Variants in FOXJ3 observed in about 807,000 individuals in gnomAD.
FOXJ3 encodes the protein forkhead box protein J3.
A neutral mutation model predicts 76.1 loss-of-function variants in FOXJ3; 22 were observed. The observed-to-expected ratio is 0.29, with a 90% CI of 0.21 to 0.41. The LOEUF is 0.41. Among genes scored for constraint, FOXJ3 ranks in the 10% least tolerant of loss-of-function variants. The pLI, the probability that FOXJ3 is intolerant of heterozygous loss-of-function variation, is 1.00. For missense variants in FOXJ3, 613 were observed against 762.1 expected (o/e 0.80, Z 2.30); for synonymous variants, 269 against 261.2 (o/e 1.03, Z -0.29).
chr1:42,198,568 A>T (rs1014675193), intron 7 of FOXJ3, among the ~76,000 whole-genome samples: 8 of 152,218 alleles, frequency 5.3e-5, no homozygotes, highest in African/African-American at 1.9e-4. Flanking sequence ...TTCTTGTAAT[A>T]GGTAACAAAT....
chr1:42,180,594 C>T (rs534005535), intron 12 of FOXJ3, among the ~76,000 whole-genome samples: 2 of 151,950 alleles, frequency 1.3e-5, no homozygotes, highest in Admixed American at 1.3e-4. Context: ...TTTTTTAGTA[C>T]TCTGATTACA....
chr1:42,241,542 T>A (rs1649142905), intron 4 of FOXJ3, among the ~76,000 whole-genome samples: 1 of 152,192 alleles, frequency 6.6e-6, no homozygotes, highest in Admixed American at 6.5e-5. Context: ...GGCTGGCATC[T>A]GTACATACTT....
At chr1:42,226,438 C>G (rs1276574861) in intron 5 of FOXJ3, among the ~76,000 whole-genome samples, 1 of 152,098 alleles carries the variant, frequency 6.6e-6, no homozygotes, top group Non-Finnish European at 1.5e-5. Flanking sequence ...ATGGCAAAAC[C>G]CTGTCTCTAC....
intron 2 of FOXJ3, among the ~76,000 whole-genome samples, chr1:42,308,894 C>G (rs949103212): frequency 2.1e-5 from 3 of 146,168 alleles, no homozygotes; most frequent in African/African-American, 7.5e-5. Flanking sequence ...AAATTTCAGT[C>G]AATTACATTA....
At chr1:42,223,037 T>C (rs1383101763) in intron 5 of FOXJ3, among the ~76,000 whole-genome samples, 3 of 152,208 alleles carry the variant, frequency 2.0e-5, no homozygotes, top group South Asian at 2.1e-4. Context: ...ACTTTACCCT[T>C]GTCCTAAAAT....
chr1:42,220,725 T>C (rs982037243), intron 5 of FOXJ3, among the ~76,000 whole-genome samples: 7 of 152,260 alleles, frequency 4.6e-5, no homozygotes, highest in Admixed American at 2.6e-4. Flanking sequence ...GAGCTCTAGG[T>C]GCTAACAGTT....
chr1:42,265,328 A>G, intron 3 of FOXJ3, 139 bp from the exon 4 acceptor site: 1 of 520,908 alleles, frequency 1.9e-6, no homozygotes, highest in Non-Finnish European at 3.4e-6. Flanking sequence ...AATCAGCTTA[A>G]AATTTAAATC....
At chr1:42,283,131 T>C (rs1652834563) in intron 2 of FOXJ3, among the ~76,000 whole-genome samples, 1 of 152,142 alleles carries the variant, frequency 6.6e-6, no homozygotes, top group Admixed American at 6.5e-5. Flanking sequence ...GAAACCATTC[T>C]ACCAGAATAA....
chr1:42,249,200 A>C (rs1417306348), intron 4 of FOXJ3, among the ~76,000 whole-genome samples: 1 of 152,196 alleles, frequency 6.6e-6, no homozygotes, highest in East Asian at 1.9e-4. Flanking sequence ...GCTGCAATAA[A>C]CATACATGTG....
At chr1:42,209,586 C>T (rs1646926729) in intron 5 of FOXJ3, among the ~76,000 whole-genome samples, 2 of 152,176 alleles carry the variant, frequency 1.3e-5, no homozygotes, top group African/African-American at 4.8e-5. Context: ...TGCCTTAACC[C>T]TACCCAGGTA....
intron 2 of FOXJ3, among the ~76,000 whole-genome samples, chr1:42,304,226 T>G (rs554842726): frequency 6.6e-6 from 1 of 151,716 alleles, no homozygotes; most frequent in Non-Finnish European, 1.5e-5. Flanking sequence ...ATGAAAACCA[T>G]CAATTATTTA....
At chr1:42,217,710 C>T (rs978452184) in intron 5 of FOXJ3, among the ~76,000 whole-genome samples, 17 of 152,136 alleles carry the variant, frequency 1.1e-4, no homozygotes, top group African/African-American at 4.1e-4. Context: ...GCTAGGATGT[C>T]AATTTTCTCC....
At chr1:42,277,908 C>T (rs566605402) in intron 3 of FOXJ3, among the ~76,000 whole-genome samples, 1 of 145,148 alleles carries the variant, frequency 6.9e-6, no homozygotes, top group South Asian at 2.2e-4. Context: ...ACCCAGAAGG[C>T]GAAGCTTGCA....
Position 42,259,028 on chromosome 1 carries a change from A to G in FOXJ3, c.444+6087T>C, listed in dbSNP as rs76721256. 4.1e-3 allele frequency among the ~76,000 whole-genome samples: 629 copies of G among 152,342 alleles called. 3 individuals carry two copies. Among genetic ancestry groups the G allele is most frequent in the African/African-American group, 0.014 (585 of 41,578 alleles). On this transcript the variant is annotated intron_variant, in intron 4 of 12. Coordinates refer to ENST00000361346, the MANE Select transcript of FOXJ3 (RefSeq NM_014947.5). ...AAAACATGTCTTTCAAATAGTGATT[A>G]AACTCTGATAAATCCGTGTGATGGA...
At chr1:42,281,646 G>A (rs980720784) in intron 2 of FOXJ3, among the ~76,000 whole-genome samples, 1 of 152,200 alleles carries the variant, frequency 6.6e-6, no homozygotes, top group Non-Finnish European at 1.5e-5. Context: ...TCTTGGTAGT[G>A]AAGCAAAAAG....
intron 5 of FOXJ3, among the ~76,000 whole-genome samples, chr1:42,227,063 G>C (rs1647630050): frequency 6.6e-6 from 1 of 152,210 alleles, no homozygotes; most frequent in Non-Finnish European, 1.5e-5. Flanking sequence ...CCCTTAAGGG[G>C]CACATATTCC....
intron 7 of FOXJ3, among the ~76,000 whole-genome samples, chr1:42,195,524 G>C (rs1431920191): frequency 6.6e-6 from 1 of 152,122 alleles, no homozygotes; most frequent in Non-Finnish European, 1.5e-5. Flanking sequence ...TCAGATGTAT[G>C]GCTCTGCCCA....
chr1:42,179,565 A>G lies in FOXJ3; in HGVS notation c.*145T>C, dbSNP rs1281256577. 1.8e-6 allele frequency: 1 copy of G among 552,712 alleles called. No individual in the cohort carries two copies. Among genetic ancestry groups the G allele is most frequent in the African/African-American group, 1.9e-5 (1 of 52,790 alleles). The allele number at this position is 552,712 out of a possible 1,614,324, so 34.2% of individuals were successfully genotyped here. The stretch of plus-strand genomic sequence containing the variant: ...AAAAGCAGTAAGTTATCCAGCTAAA[A>G]TCCTTCTGATTGTCTTCAAAAGTAA... On this transcript the variant is annotated 3_prime_UTR_variant, in exon 13 of 13. Transcript: ENST00000361346.
At chr1:42,268,090 A>G (rs1651605815) in intron 3 of FOXJ3, among the ~76,000 whole-genome samples, 1 of 152,142 alleles carries the variant, frequency 6.6e-6, no homozygotes, top group African/African-American at 2.4e-5. Flanking sequence ...AATGCAAGAC[A>G]TCAACCCAAA....
Sources: allele counts gnomAD v4.1 joint callset (sites outside exome capture counted in the v4.1 genomes callset), GRCh38; gene constraint gnomAD v4.1.1; transcripts MANE v1.5; gene names NCBI Gene and HGNC (gene_info 2026-07-23, HGNC 2026-07-21).